Variants in MEGF10 observed in about 807,000 individuals in gnomAD.
The protein encoded by MEGF10 is multiple epidermal growth factor-like domains protein 10.
MEGF10 carries 86 observed loss-of-function variants against 147.5 expected under a neutral mutation model. The observed-to-expected ratio is 0.58, with a 90% CI of 0.49 to 0.70. MEGF10 has a LOEUF of 0.70. Among genes scored for constraint, MEGF10 ranks in the 30% least tolerant of loss-of-function variants. The pLI is 0.00. For missense variants in MEGF10, 1,329 were observed against 1,487.3 expected (o/e 0.89, Z 1.75); for synonymous variants, 478 against 525.5 (o/e 0.91, Z 1.24).
At chr5:127,411,758 G>T (rs1406339684) in intron 9 of MEGF10, among the ~76,000 whole-genome samples, 2 of 152,114 alleles carry the variant, frequency 1.3e-5, no homozygotes, top group Non-Finnish European at 2.9e-5. Context: ...TCTCCACAGG[G>T]TTTTATTTTT....
chr5:127,376,084 G>C (rs894646911), intron 5 of MEGF10, among the ~76,000 whole-genome samples: 1 of 152,180 alleles, frequency 6.6e-6, no homozygotes, highest in Admixed American at 6.5e-5. Context: ...GAGATTTTCT[G>C]AGTGGACAAG....
the MEGF10 span, among the ~76,000 whole-genome samples, chr5:127,282,153 C>T: frequency 2.6e-5 from 4 of 152,134 alleles, no homozygotes; most frequent in African/African-American, 9.7e-5. Flanking sequence ...GATTATTTCT[C>T]TTGCTTCCCC....
the MEGF10 span, among the ~76,000 whole-genome samples, chr5:127,257,588 A>G: frequency 6.6e-6 from 1 of 152,206 alleles, no homozygotes; most frequent in Non-Finnish European, 1.5e-5. Context: ...GTCTCAATCA[A>G]TTTAGACGTT....
At chr5:127,374,598 A>G (rs1762959583) in intron 5 of MEGF10, among the ~76,000 whole-genome samples, 1 of 152,160 alleles carries the variant, frequency 6.6e-6, no homozygotes, top group Non-Finnish European at 1.5e-5. Context: ...AAATGAGGAG[A>G]TGCAAGTCCC....
At chr5:127,348,666 C>A (rs1305528801) in intron 4 of MEGF10, among the ~76,000 whole-genome samples, 1 of 152,086 alleles carries the variant, frequency 6.6e-6, no homozygotes, top group Non-Finnish European at 1.5e-5. Context: ...AATCCAAAAA[C>A]ATAGTTGCTT....
At chr5:127,238,566 G>A in the MEGF10 span, among the ~76,000 whole-genome samples, 1 of 152,344 alleles carries the variant, frequency 6.6e-6, no homozygotes, top group South Asian at 2.1e-4. Context: ...GATGTGGACA[G>A]AGAAAGGTTA....
rs138464310 is a variant in MEGF10, at chr5:127,327,596, A to G, written c.-18-3695A>G. Among the ~76,000 whole-genome samples the G allele has an allele frequency of 2.3e-3, 350 of 152,294 alleles. 1 individual carries two copies. The highest frequency in any genetic ancestry group is 7.9e-3 in the African/African-American group (327 of 41,574). On this transcript the variant is annotated intron_variant, in intron 1 of 24. Transcript: ENST00000503335. ...TGGACTTTCCTTCTTCAGAGTAGGCATAGTGGAAAAAGGGTACTCACTATG... is the reference window on the plus strand; with the variant it reads ...TGGACTTTCCTTCTTCAGAGTAGGCGTAGTGGAAAAAGGGTACTCACTATG...
At chr5:127,394,547 A>G (rs1449592075) in intron 5 of MEGF10, among the ~76,000 whole-genome samples, 2 of 152,206 alleles carry the variant, frequency 1.3e-5, no homozygotes, top group African/African-American at 2.4e-5. Context: ...GAGTCCCTTC[A>G]AAACAGGATG....
the MEGF10 span, among the ~76,000 whole-genome samples, chr5:127,283,924 A>G: frequency 2.0e-5 from 3 of 152,370 alleles, no homozygotes; most frequent in East Asian, 5.8e-4. Flanking sequence ...GCTAGGGGAA[A>G]TAAACGGATG....
Position 127,457,113 on chromosome 5 carries a change from C to T in MEGF10, c.3233-15C>T. 6.3e-7 allele frequency: 1 copy of T among 1,587,444 alleles called. No homozygotes were observed. Among genetic ancestry groups the T allele is most frequent in the Non-Finnish European group, 8.6e-7 (1 of 1,167,430 alleles). On this transcript the variant is annotated splice_polypyrimidine_tract_variant and intron_variant, in intron 24 of 24. Transcript: ENST00000503335. ...TTCCTTTGCTGATAAATTAATATGT[C>T]CTTGGTTATCACAGAACCTACAGTG... is the stretch of plus-strand genomic sequence containing the variant.
chr5:127,345,396 A>C (rs1761847605), intron 4 of MEGF10, among the ~76,000 whole-genome samples: 1 of 152,150 alleles, frequency 6.6e-6, no homozygotes, highest in Non-Finnish European at 1.5e-5. Context: ...GACTTTGACT[A>C]ACAAGGCTGT....
intron 9 of MEGF10, among the ~76,000 whole-genome samples, 153 bp from the exon 10 acceptor site, chr5:127,417,466 CATCAGGTTTCAGCCAATTA>C (rs1270180709): frequency 6.6e-6 from 1 of 152,130 alleles, no homozygotes; most frequent in Non-Finnish European, 1.5e-5. Flanking sequence ...CTGTAGTACC[CATCAGGTTTCAGCCAATTA>C]ATTAAATCAT....
chr5:127,429,098 G>A (rs1765308163), intron 13 of MEGF10, among the ~76,000 whole-genome samples: 1 of 152,162 alleles, frequency 6.6e-6, no homozygotes, highest in Admixed American at 6.5e-5. Context: ...ACCAGAGATG[G>A]CTGCAGATTT....
intron 1 of MEGF10, among the ~76,000 whole-genome samples, chr5:127,301,742 G>T (rs191376669): frequency 9.1e-4 from 139 of 152,194 alleles, no homozygotes; most frequent in African/African-American, 3.1e-3. Context: ...AAAGATTGTT[G>T]CATTTAGCAT....
chr5:127,391,633 T>A (rs2126909851), intron 5 of MEGF10, among the ~76,000 whole-genome samples: 1 of 151,526 alleles, frequency 6.6e-6, no homozygotes, highest in East Asian at 1.9e-4. Context: ...CCATTATCAC[T>A]GTAAGTATCA....
upstream of MEGF10, among the ~76,000 whole-genome samples, chr5:127,290,346 G>C (rs1406546993): frequency 6.6e-6 from 1 of 151,964 alleles, no homozygotes; most frequent in African/African-American, 2.4e-5. Flanking sequence ...TTTCTCCCCT[G>C]ACACCACTGA....
At chr5:127,357,650 GA>G (rs978390495) in intron 4 of MEGF10, among the ~76,000 whole-genome samples, 55 of 143,698 alleles carry the variant, frequency 3.8e-4, no homozygotes, top group East Asian at 1.2e-3. Flanking sequence ...ACAGGAGAAA[GA>G]AAAAAAAAAG....
intron 2 of MEGF10, among the ~76,000 whole-genome samples, chr5:127,332,315 T>C (rs951948771): frequency 1.3e-5 from 2 of 152,174 alleles, no homozygotes; most frequent in African/African-American, 4.8e-5. Flanking sequence ...AAAGAGAAGA[T>C]GTTAAGTACT....
the MEGF10 span, among the ~76,000 whole-genome samples, chr5:127,236,154 G>A: frequency 6.6e-6 from 1 of 152,056 alleles, no homozygotes; most frequent in Admixed American, 6.6e-5. Flanking sequence ...TGTATTTTTA[G>A]TAGAGATGGG....
Sources: allele counts gnomAD v4.1 joint callset (sites outside exome capture counted in the v4.1 genomes callset), GRCh38; gene constraint gnomAD v4.1.1; transcripts MANE v1.5; gene names NCBI Gene and HGNC (gene_info 2026-07-23, HGNC 2026-07-21).